G3BP2: variants seen among roughly 807,000 people sequenced by gnomAD.
G3BP2 encodes G3BP stress granule assembly factor 2.
A neutral mutation model predicts 56.7 loss-of-function variants in G3BP2; 11 were observed. That is an observed-to-expected ratio of 0.19 (90% confidence interval 0.12 to 0.32). The LOEUF (loss-of-function observed/expected upper bound fraction) is 0.32. Ranked by LOEUF, G3BP2 falls within the 10% of genes least tolerant of loss-of-function variation. The pLI, the probability that G3BP2 is intolerant of heterozygous loss-of-function variation, is 1.00. For missense variants in G3BP2, 340 were observed against 610.9 expected, an observed-to-expected ratio of 0.56 and a Z score of 4.67; for synonymous variants, 165 against 191.6, an observed-to-expected ratio of 0.86 and a Z score of 1.15.
At position 75,655,141 on chromosome 4, in the gene G3BP2, G is replaced by C; in HGVS notation, c.651C>G (p.Asn217Lys). The C allele has an allele frequency of 6.2e-7, 1 of 1,613,134 alleles. No homozygotes were observed. Among genetic ancestry groups the C allele is most frequent in the Non-Finnish European group, 8.5e-7 (1 of 1,179,128 alleles). Residue 217 changes from asparagine (N) to lysine (K), a missense_variant, in exon 7 of 12, where the codon AAC (asparagine) becomes AAG (lysine). By Grantham distance (94) the Asn-to-Lys change is moderately conservative. Around this residue, in one of 4 missense-constraint regions of G3BP2, gnomAD observed 224 missense variants for 332.5 expected, o/e 0.67. Transcript: ENST00000359707. ...EELKPQVEEK[N>K]LEELEEKSTT... The stretch of plus-strand genomic sequence containing the variant: ...TAGATTTCTCCTCTAGTTCTTCTAA[G>C]TTCTTCTCCTCCACTTGTGGTTTCA...
chr4:75,703,676 A>G (rs947191961), intron 3 of G3BP2, among the ~76,000 whole-genome samples: 2 of 152,216 alleles, frequency 1.3e-5, no homozygotes, highest in African/African-American at 4.8e-5. Context: ...CTAGAGGCAT[A>G]TGGGAGCACC....
chr4:75,688,161 C>T (rs879266520), intron 3 of G3BP2, among the ~76,000 whole-genome samples: 1 of 144,266 alleles, frequency 6.9e-6, no homozygotes, highest in Admixed American at 6.9e-5. Flanking sequence ...GAACCTGGTG[C>T]CTTCCTTCTT....
intron 2 of G3BP2, among the ~76,000 whole-genome samples, chr4:75,659,547 C>G (rs1732383164): frequency 1.3e-5 from 2 of 152,166 alleles, no homozygotes; most frequent in Admixed American, 1.3e-4. Context: ...GAATTAACAT[C>G]TTTCTAAATT....
chr4:75,720,022 C>CTTTTTTTTTT lies in G3BP2; in HGVS notation c.-25+845_-25+854dup, dbSNP rs67468716. 3.0e-3 allele frequency among the ~76,000 whole-genome samples: 294 copies of CTTTTTTTTTT among 97,322 alleles called. 25 individuals are homozygous for CTTTTTTTTTT. Among genetic ancestry groups the CTTTTTTTTTT allele is most frequent in the African/African-American group, 9.7e-3 (236 of 24,236 alleles). 63.8% of individuals were successfully genotyped at this position (97,322 alleles called of 152,430 possible). A position where few individuals can be genotyped will look rare whatever the true frequency, so the allele number is the denominator to read the frequency against. On this transcript the variant is annotated intron_variant, in intron 3 of 3. Transcript: ENST00000499709. ...GAGCAGGATGGGGGGGCCCAGAACC[C>CTTTTTTTTTT]TTTTTTTTTTTTGAGAAAGGGTCTC...
chr4:75,702,788 A>T (rs1196057877), intron 3 of G3BP2, among the ~76,000 whole-genome samples: 2 of 152,240 alleles, frequency 1.3e-5, no homozygotes, highest in African/African-American at 4.8e-5. Flanking sequence ...GACATGAAAG[A>T]GACTTCCAAA....
intron 4 of G3BP2, among the ~76,000 whole-genome samples, 194 bp from the exon 5 acceptor site, chr4:75,657,208 C>T (rs955870197): frequency 1.3e-5 from 2 of 152,114 alleles, no homozygotes; most frequent in Non-Finnish European, 2.9e-5. Flanking sequence ...GCAAAACTCG[C>T]AATTACTTTT....
At chr4:75,723,690 G>A (rs1720274725) in intron 1 of G3BP2, among the ~76,000 whole-genome samples, 1 of 152,066 alleles carries the variant, frequency 6.6e-6, no homozygotes, top group Non-Finnish European at 1.5e-5. Context: ...TTTAAGGGAG[G>A]CAGGGAAAGA....
At chr4:75,714,915 T>C (rs918807122) in intron 3 of G3BP2, among the ~76,000 whole-genome samples, 9 of 152,150 alleles carry the variant, frequency 5.9e-5, no homozygotes, top group African/African-American at 1.9e-4. Flanking sequence ...ACAGCCTCTG[T>C]TGTTAGTCCT....
chr4:75,683,633 A>G (rs1315888981), intron 3 of G3BP2, among the ~76,000 whole-genome samples: 2 of 151,926 alleles, frequency 1.3e-5, no homozygotes, highest in African/African-American at 4.8e-5. Flanking sequence ...CTTTTTAAAC[A>G]TCTATATCCT....
chr4:75,660,005 A>G (rs933175102), intron 2 of G3BP2, among the ~76,000 whole-genome samples: 4 of 152,238 alleles, frequency 2.6e-5, no homozygotes, highest in Non-Finnish European at 5.9e-5. Context: ...AGCAACGTGC[A>G]CAAATAATGC....
At chr4:75,656,785 C>A (rs1159133833) in intron 5 of G3BP2, 139 bp downstream of exon 5, 5 of 625,692 alleles carry the variant, frequency 8.0e-6, no homozygotes, top group Non-Finnish European at 1.1e-5. Flanking sequence ...ACGACAACAA[C>A]AACAAAACCA....
chr4:75,654,279 A>C (rs766748459), intron 7 of G3BP2, among the ~76,000 whole-genome samples, 198 bp from the exon 8 acceptor site: 16 of 152,234 alleles, frequency 1.1e-4, no homozygotes, highest in Non-Finnish European at 2.1e-4. Flanking sequence ...CTTATTTATA[A>C]CTTTTGTCTG....
chr4:75,658,512 C>T (rs1732284431), intron 3 of G3BP2, among the ~76,000 whole-genome samples: 4 of 151,466 alleles, frequency 2.6e-5, no homozygotes. Flanking sequence ...GGGCAGATCA[C>T]CTGAGGTTGG....
chr4:75,655,182 T>A lies in G3BP2; in HGVS notation c.610A>T (p.Thr204Ser). 2 of 1,613,842 alleles carry A rather than the reference T, an allele frequency of 1.2e-6. No homozygotes were observed. Among genetic ancestry groups the A allele is most frequent in the Non-Finnish European group, 1.7e-6 (2 of 1,179,722 alleles). Residue 204 changes from threonine to serine, a missense_variant, in exon 7 of 12, where the codon ACA (threonine) becomes TCA (serine). This residue lies in a region of G3BP2 where 224 missense variants were observed against 332.5 expected (regional missense o/e 0.67). Coordinates refer to ENST00000359707, the MANE Select transcript of G3BP2 (RefSeq NM_203505.3). ...HEPEPEPESE[T>S]KTEELKPQVE... ...TGTGGTTTCAGCTCTTCAGTCTTTG[T>A]TTCAGATTCTGGCTCAGGTTCAGGT...
At chr4:75,660,900 A>C (rs1358775906) in intron 2 of G3BP2, among the ~76,000 whole-genome samples, 1 of 152,212 alleles carries the variant, frequency 6.6e-6, no homozygotes, top group East Asian at 1.9e-4. Context: ...TTTCACTTCA[A>C]TCTCTGGAAA....
chr4:75,723,275 T>A (rs1218482520), intron 1 of G3BP2, among the ~76,000 whole-genome samples: 1 of 152,176 alleles, frequency 6.6e-6, no homozygotes, highest in Non-Finnish European at 1.5e-5. Flanking sequence ...CACTTTATTC[T>A]GGACAGAATG....
chr4:75,716,489 GT>G (rs549925089), intron 3 of G3BP2, among the ~76,000 whole-genome samples: 5 of 145,448 alleles, frequency 3.4e-5, no homozygotes, highest in South Asian at 2.2e-4. Flanking sequence ...TCTAGTTCTT[GT>G]TTTTTTTTGT....
At chr4:75,718,240 T>A (rs1209502737) in intron 3 of G3BP2, among the ~76,000 whole-genome samples, 2 of 1,918 alleles carry the variant, frequency 1.0e-3, no homozygotes, top group Non-Finnish European at 1.6e-3. Flanking sequence ...CTTTCTTTCT[T>A]TTTTTTTTTT....
chr4:75,660,219 A>T (rs1732437164), intron 2 of G3BP2, among the ~76,000 whole-genome samples: 1 of 152,138 alleles, frequency 6.6e-6, no homozygotes, highest in Non-Finnish European at 1.5e-5. Context: ...TCATGAAAAG[A>T]CCAAATTTCA....
Sources: gnomAD v4.1 joint callset for allele counts (sites outside exome capture counted in the v4.1 genomes callset) on GRCh38, gnomAD v4.1.1 for gene constraint, gnomAD v4.1.1 regional missense constraint, MANE v1.5 for transcripts, NCBI Gene and HGNC (gene_info 2026-07-23, HGNC 2026-07-21) for gene names.